The following CNOT6L variants were observed in gnomAD, a reference collection of about 807,000 sequenced individuals.
CNOT6L encodes CCR4-NOT transcription complex subunit 6 like.
Under a neutral mutation model 64.0 loss-of-function variants are expected in CNOT6L, and 7 were observed. The observed-to-expected ratio is 0.11, with a 90% CI of 0.06 to 0.21. CNOT6L has a LOEUF of 0.21. Among genes scored for constraint, CNOT6L ranks in the 10% least tolerant of loss-of-function variants. CNOT6L has a pLI of 1.00. For missense variants in CNOT6L, 245 were observed against 669.0 expected (o/e 0.37, Z 6.99); for synonymous variants, 193 against 243.4 (o/e 0.79, Z 1.93).
intron 4 of CNOT6L, among the ~76,000 whole-genome samples, chr4:77,771,630 T>C (rs1727573345): frequency 6.6e-6 from 1 of 152,212 alleles, no homozygotes. Context: ...AAAGAAACTA[T>C]AACACAAGAT....
intron 8 of CNOT6L, among the ~76,000 whole-genome samples, chr4:77,740,234 G>A (rs1020473402): frequency 6.6e-6 from 1 of 152,018 alleles, no homozygotes; most frequent in African/African-American, 2.4e-5. Context: ...AGTTAGGTGT[G>A]GTGGCATGCA....
At chr4:77,763,993 G>C (rs1258667066) in intron 4 of CNOT6L, among the ~76,000 whole-genome samples, 1 of 152,204 alleles carries the variant, frequency 6.6e-6, no homozygotes. Context: ...AACAGGCAAA[G>C]CTGTAGCCTT....
At chr4:77,765,284 G>T (rs182385836) in intron 4 of CNOT6L, among the ~76,000 whole-genome samples, 96 of 152,148 alleles carry the variant, frequency 6.3e-4, no homozygotes, top group African/African-American at 1.9e-3. Flanking sequence ...CCATAAAAAT[G>T]GGCAACCAGT....
At chr4:77,787,573 G>C (rs1408923968) in intron 1 of CNOT6L, among the ~76,000 whole-genome samples, 1 of 152,148 alleles carries the variant, frequency 6.6e-6, no homozygotes, top group Non-Finnish European at 1.5e-5. Context: ...ATAATCACTA[G>C]TGTAGTGAAG....
intron 8 of CNOT6L, among the ~76,000 whole-genome samples, chr4:77,738,753 CA>C (rs33932934): frequency 0.053 from 6,102 of 114,058 alleles, 155 homozygotes; most frequent in South Asian, 0.1. Context: ...AACTCCGTCT[CA>C]AAAAAAAAAA....
At chr4:77,808,613 T>C (rs1347051025) in intron 1 of CNOT6L, among the ~76,000 whole-genome samples, 1 of 152,130 alleles carries the variant, frequency 6.6e-6, no homozygotes, top group Non-Finnish European at 1.5e-5. Flanking sequence ...TTTACAAGGA[T>C]TTCTCTGGTG....
intron 1 of CNOT6L, among the ~76,000 whole-genome samples, chr4:77,813,159 A>G (rs961105827): frequency 4.6e-5 from 7 of 152,238 alleles, no homozygotes; most frequent in Admixed American, 4.6e-4. Context: ...AAGAGATATT[A>G]GACTTCTACA....
rs1452007651 is a variant in CNOT6L at position 77,716,739 on chromosome 4, AT to A, written c.*3691del. The A allele has an allele frequency of 6.6e-6, 1 of 152,566 alleles. No individual in the cohort carries two copies. The highest frequency in any genetic ancestry group is 6.6e-5 in the Admixed American group (1 of 15,256). 9.5% of individuals were successfully genotyped at this position (152,566 alleles called of 1,614,324 possible). On this transcript the variant is annotated 3_prime_UTR_variant, in exon 12 of 12. Coordinates refer to ENST00000504123, the MANE Select transcript of CNOT6L (RefSeq NM_144571.3). Reference sequence around the variant, plus strand: ...TATATAACTTTAAGACACCAAAAAAATAGGGGCAAATAAGAAACAGCTTTTA... The same window carrying A: ...TATATAACTTTAAGACACCAAAAAAAAGGGGCAAATAAGAAACAGCTTTTA...
intron 1 of CNOT6L, chr4:77,818,915 C>CCCCTCCA: frequency 1.8e-6 from 1 of 557,340 alleles, no homozygotes; most frequent in Non-Finnish European, 3.3e-6. Flanking sequence ...GCCCCGCTGC[C>CCCCTCCA]GCGCGTGTGC....
chr4:77,768,397 T>G (rs1376430769), intron 4 of CNOT6L, among the ~76,000 whole-genome samples: 1 of 150,278 alleles, frequency 6.7e-6, no homozygotes, highest in Non-Finnish European at 1.5e-5. Context: ...ACCCGTGGGG[T>G]AGAGGTTGCA....
At chr4:77,808,228 G>A (rs1278730139) in intron 1 of CNOT6L, among the ~76,000 whole-genome samples, 1 of 152,106 alleles carries the variant, frequency 6.6e-6, no homozygotes. Flanking sequence ...TTGGGAGGCT[G>A]AGGCAGGTGG....
intron 10 of CNOT6L, among the ~76,000 whole-genome samples, chr4:77,727,275 C>CT (rs1294624251): frequency 6.6e-6 from 1 of 151,922 alleles, no homozygotes; most frequent in African/African-American, 2.4e-5. Flanking sequence ...AAATGAAGAA[C>CT]TAGGCTGGGT....
intron 4 of CNOT6L, among the ~76,000 whole-genome samples, chr4:77,759,461 A>T (rs185687673): frequency 7.9e-5 from 12 of 152,088 alleles, no homozygotes; most frequent in South Asian, 4.2e-4. Flanking sequence ...GCTACTTGGG[A>T]AGCTGAGGCA....
At chr4:77,769,382 T>C (rs546010702) in intron 4 of CNOT6L, among the ~76,000 whole-genome samples, 1 of 152,126 alleles carries the variant, frequency 6.6e-6, no homozygotes, top group Non-Finnish European at 1.5e-5. Context: ...CAGGGCTATT[T>C]TGTCATATTT....
intron 6 of CNOT6L, 63 bp downstream of exon 6, chr4:77,748,253 T>C (rs1724430050): frequency 9.1e-7 from 1 of 1,104,358 alleles, no homozygotes; most frequent in Non-Finnish European, 1.4e-6. Flanking sequence ...TTACAGATCA[T>C]GAAGCCCAAA....
intron 1 of CNOT6L, chr4:77,818,932 C>T (rs762372682): frequency 1.4e-5 from 9 of 621,014 alleles, no homozygotes; most frequent in South Asian, 1.4e-4. Context: ...GTGCCGCACT[C>T]ACTCAGCCCT....
Position 77,719,824 on chromosome 4 carries a change from T to A in CNOT6L, c.*607A>T, listed in dbSNP as rs1417396149. ...CAACAAATTGTCATGTGGTGTTACA[T>A]GCTGGATTATAAAAGTATACTGTGC... On this transcript the variant is annotated 3_prime_UTR_variant, in exon 12 of 12. Coordinates refer to ENST00000504123, the MANE Select transcript of CNOT6L (RefSeq NM_144571.3). 6.6e-6 allele frequency: 1 copy of A among 152,670 alleles called. No homozygotes were observed. Among genetic ancestry groups the A allele is most frequent in the Non-Finnish European group, 1.5e-5 (1 of 68,054 alleles). The allele number at this position is 152,670 out of a possible 1,614,324, so 9.5% of individuals were successfully genotyped here. A position where few individuals can be genotyped will look rare whatever the true frequency, so the allele number is the denominator to read the frequency against.
chr4:77,746,408 C>T (rs1724204607), intron 6 of CNOT6L, among the ~76,000 whole-genome samples: 1 of 152,090 alleles, frequency 6.6e-6, no homozygotes, highest in Non-Finnish European at 1.5e-5. Flanking sequence ...TCACCCTTAG[C>T]CACCACAAAG....
At chr4:77,812,890 G>A (rs141593749) in intron 1 of CNOT6L, among the ~76,000 whole-genome samples, 110 of 152,166 alleles carry the variant, frequency 7.2e-4, no homozygotes, top group African/African-American at 2.6e-3. Context: ...GAAAAAAAGA[G>A]TTTTTCATTT....
Sources: allele counts gnomAD v4.1 joint callset (sites outside exome capture counted in the v4.1 genomes callset), GRCh38; gene constraint gnomAD v4.1.1; transcripts MANE v1.5; gene names NCBI Gene and HGNC (gene_info 2026-07-23, HGNC 2026-07-21).